Variants in SYTL2 observed in about 807,000 individuals in gnomAD.
SYTL2 encodes synaptotagmin like 2.
SYTL2 carries 165 observed loss-of-function variants against 198.7 expected under a neutral mutation model. The ratio of observed to expected loss-of-function variants is 0.83; its 90% confidence interval spans 0.73 to 0.94. The LOEUF (loss-of-function observed/expected upper bound fraction) is 0.94. Ranked by LOEUF, SYTL2 falls within the 40% of genes least tolerant of loss-of-function variation. The pLI, the probability that SYTL2 is intolerant of heterozygous loss-of-function variation, is 0.00. For missense variants in SYTL2, 2,835 were observed against 2,582.8 expected (o/e 1.10, Z -2.12); for synonymous variants, 966 against 917.7 (o/e 1.05, Z -0.95).
At chr11:85,754,969 T>C (rs557003016) in intron 2 of SYTL2, among the ~76,000 whole-genome samples, 5 of 152,342 alleles carry the variant, frequency 3.3e-5, no homozygotes, top group South Asian at 4.1e-4. Flanking sequence ...GCAAGTCATT[T>C]ACCCTTTCTG....
In SYTL2 at chr11:85,811,008, C is replaced by A. The variant is rs1468854269; in HGVS notation, c.-444G>T. ...CCTCGCCGTCTCTCTTGTCTTCTGG[C>A]CCCCAGCCCTCGGCCTGGCGGTGCA... On this transcript the variant is annotated 5_prime_UTR_variant, in exon 1 of 20. Coordinates refer to ENST00000359152, the MANE Select transcript of SYTL2 (RefSeq NM_206927.4). The A allele has an allele frequency of 6.6e-6, 1 of 152,248 alleles. No individual in the cohort carries two copies. Among genetic ancestry groups the A allele is most frequent in the Admixed American group, 6.5e-5 (1 of 15,286 alleles). 9.4% of individuals were successfully genotyped at this position (152,248 alleles called of 1,614,324 possible). A position where few individuals can be genotyped will look rare whatever the true frequency, so the allele number is the denominator to read the frequency against.
intron 1 of SYTL2, among the ~76,000 whole-genome samples, chr11:85,781,835 C>T (rs1355807991): frequency 2.0e-5 from 3 of 152,216 alleles, no homozygotes; most frequent in Admixed American, 6.5e-5. Flanking sequence ...CACAGCCTTG[C>T]GCAACTCCAC....
At chr11:85,845,743 C>T in the SYTL2 span, among the ~76,000 whole-genome samples, 1 of 152,134 alleles carries the variant, frequency 6.6e-6, no homozygotes, top group Admixed American at 6.5e-5. Context: ...CTGGTCTCTA[C>T]TAATACACAC....
chr11:85,825,602 TTGGAGCATA>T, the SYTL2 span, among the ~76,000 whole-genome samples: 1 of 152,186 alleles, frequency 6.6e-6, no homozygotes, highest in African/African-American at 2.4e-5. Flanking sequence ...GGGAAGAGGG[TTGGAGCATA>T]GCTCAGCCTA....
intron 2 of SYTL2, among the ~76,000 whole-genome samples, chr11:85,752,728 C>A (rs1410375391): frequency 6.6e-6 from 1 of 151,672 alleles, no homozygotes; most frequent in Non-Finnish European, 1.5e-5. Context: ...GGGCACTTAC[C>A]CTCTTCAACC....
intron 3 of SYTL2, 21 bp from the exon 4 acceptor site, chr11:85,745,793 G>C (rs2153520819): frequency 6.3e-7 from 1 of 1,599,066 alleles, no homozygotes; most frequent in Non-Finnish European, 8.5e-7. Context: ...AAACAGTAAA[G>C]ACAGGAAGGT....
At chr11:85,834,888 T>C in the SYTL2 span, among the ~76,000 whole-genome samples, 1 of 151,932 alleles carries the variant, frequency 6.6e-6, no homozygotes, top group African/African-American at 2.4e-5. Flanking sequence ...GCACCCCAAG[T>C]AGCTAGGACT....
chr11:85,843,106 GCTCATGCCTATAATC>G, the SYTL2 span, among the ~76,000 whole-genome samples: 1 of 152,194 alleles, frequency 6.6e-6, no homozygotes, highest in African/African-American at 2.4e-5. Flanking sequence ...AGGCATGGTG[GCTCATGCCTATAATC>G]CCAGCACTTT....
At chr11:85,698,195 T>C (rs2153361561) in intron 17 of SYTL2, 117 bp from the exon 18 acceptor site, 1 of 682,220 alleles carries the variant, frequency 1.5e-6, no homozygotes, top group Non-Finnish European at 2.6e-6. Context: ...TATTTGATGA[T>C]ATCATCTGAA....
chr11:85,719,241 A>C (rs1475894333), intron 9 of SYTL2: 1 of 1,195,528 alleles, frequency 8.4e-7, no homozygotes, highest in Non-Finnish European at 1.1e-6. Flanking sequence ...GTGTGTGTGC[A>C]TCATCATTCA....
intron 3 of SYTL2, among the ~76,000 whole-genome samples, chr11:85,747,612 G>A (rs1221460090): frequency 6.6e-6 from 1 of 152,146 alleles, no homozygotes; most frequent in Non-Finnish European, 1.5e-5. Flanking sequence ...ATAAGCAGGT[G>A]AAGAACCAAT....
chr11:85,716,642 C>G (rs1369026256), intron 11 of SYTL2: 1 of 151,090 alleles, frequency 6.6e-6, no homozygotes, highest in Non-Finnish European at 1.5e-5. Flanking sequence ...ATCTTCATAC[C>G]CCCAGTGCCT....
At chr11:85,853,333 T>A in the SYTL2 span, 2,376 of 446,122 alleles carry the variant, frequency 5.3e-3, 13 homozygotes, top group Non-Finnish European at 7.5e-3. Context: ...TTCTTCTGCC[T>A]TGGGATGCTG....
rs2153470778 is a variant in SYTL2, at chr11:85,727,412, T to C, written c.1946A>G (p.Tyr649Cys). ...TPSQGSKNMD[Y>C]SQDSKSPGKG... The stretch of plus-strand genomic sequence containing the variant: ...TCCTGGGCTTTTTGAATCTTGGCTA[T>C]AGTCCATATTTTTACTCCCTTGACT... The change falls in exon 8 of 20, where the codon TAT becomes TGT. Residue 649 changes from tyrosine (Y) to cysteine (C), a missense_variant. Physicochemically the swap from Tyr to Cys is radical, Grantham distance 194 (BLOSUM62 -2). Around this residue, in one of 3 missense-constraint regions of SYTL2, gnomAD observed 2,645 missense variants for 2,381.7 expected, o/e 1.11. Transcript: ENST00000359152. 1.3e-6 allele frequency: 2 copies of C among 1,536,410 alleles called. No individual in the cohort carries two copies. The highest frequency in any genetic ancestry group is 8.7e-7 in the Non-Finnish European group (1 of 1,146,948).
intron 1 of SYTL2, among the ~76,000 whole-genome samples, chr11:85,767,204 T>G (rs184355937): frequency 4.9e-4 from 75 of 152,342 alleles, no homozygotes; most frequent in Admixed American, 7.8e-4. Context: ...ATGAGGAATC[T>G]GTGATGAAAA....
intron 1 of SYTL2, among the ~76,000 whole-genome samples, chr11:85,804,451 G>T (rs775201589): frequency 6.6e-5 from 10 of 152,108 alleles, no homozygotes; most frequent in African/African-American, 9.7e-5. Flanking sequence ...CTCTGTTGTT[G>T]TTCTTATTGG....
intron 1 of SYTL2, among the ~76,000 whole-genome samples, chr11:85,759,177 C>T (rs1371243941): frequency 6.8e-6 from 1 of 147,222 alleles, no homozygotes; most frequent in African/African-American, 2.5e-5. Context: ...ACCCGGGAGG[C>T]GGAGGTTGCA....
chr11:85,724,443 A>G lies in SYTL2; in HGVS notation c.4915T>C (p.Leu1639=), dbSNP rs1057025075. The stretch of plus-strand genomic sequence containing the variant: ...TCAGTCACAAGTGCGTCTCCTCCCA[A>G]CATTTTATCACATTGGTTGACTTGA... The part of the protein sequence containing the change: ...ESQVNQCDKM[L]GGDALVTDLL... The change falls in exon 8 of 20, where the codon TTG becomes CTG. Residue 1639 remains leucine, a synonymous_variant. Coordinates refer to ENST00000359152, the MANE Select transcript of SYTL2 (RefSeq NM_206927.4). The G allele has an allele frequency of 2.5e-6, 4 of 1,611,126 alleles. No homozygotes were observed. The highest frequency in any genetic ancestry group is 3.4e-6 in the Non-Finnish European group (4 of 1,179,218).
Position 85,736,670 on chromosome 11 carries a change from G to A in SYTL2, c.472-55C>T, listed in dbSNP as rs1278675811. ...TTTTAAATGTCATGACAGCAACTCA[G>A]TGTTGGCAAATGCCTATTATCTTCA... On this transcript the variant is annotated intron_variant, in intron 5 of 19. Transcript: ENST00000359152. 4 of 943,146 alleles carry A rather than the reference G, an allele frequency of 4.2e-6. No homozygotes were observed. The African/African-American group carries it at 6.7e-5, about 16-fold the overall frequency. The allele number at this position is 943,146 out of a possible 1,614,324, so 58.4% of individuals were successfully genotyped here. A position where few individuals can be genotyped will look rare whatever the true frequency, so the allele number is the denominator to read the frequency against.
Sources: allele counts gnomAD v4.1 joint callset (sites outside exome capture counted in the v4.1 genomes callset), GRCh38; gene constraint gnomAD v4.1.1; regional missense constraint gnomAD v4.1.1; transcripts MANE v1.5; gene names NCBI Gene and HGNC (gene_info 2026-07-23, HGNC 2026-07-21).